MAP2: variants seen among roughly 807,000 people sequenced by gnomAD.
MAP2 encodes microtubule associated protein 2.
Under a neutral mutation model 137.6 loss-of-function variants are expected in MAP2, and 14 were observed. That is an observed-to-expected ratio of 0.10 (90% CI 0.07 to 0.16). MAP2 has a LOEUF of 0.16. MAP2 is among the 10% of genes least tolerant of loss of function. The pLI is 1.00. For missense variants in MAP2, 2,088 were observed against 2,191.5 expected (o/e 0.95, Z 0.94); for synonymous variants, 786 against 782.3 (o/e 1.00, Z -0.08).
intron 1 of MAP2, among the ~76,000 whole-genome samples, chr2:209,496,985 G>A (rs938980794): frequency 1.3e-5 from 2 of 152,078 alleles, no homozygotes; most frequent in African/African-American, 4.8e-5. Context: ...GTCTCTCTAT[G>A]TCGCTTATGC....
chr2:209,646,094 G>A (rs2094404600), intron 4 of MAP2, among the ~76,000 whole-genome samples: 1 of 152,128 alleles, frequency 6.6e-6, no homozygotes, highest in African/African-American at 2.4e-5. Flanking sequence ...CTGCTTGAGA[G>A]GCTGAGCGGG....
rs1045777526 is a variant in MAP2, at chr2:209,730,674, T to TA, written c.*282dup. Reference sequence around the variant, plus strand: ...TGTTTTGCATGGAGTATTATTATTTTAAAAATTGCATTTTTACCTTTCATG... The same window carrying TA: ...TGTTTTGCATGGAGTATTATTATTTTAAAAAATTGCATTTTTACCTTTCATG... On this transcript the variant is annotated 3_prime_UTR_variant, in exon 16 of 16. Transcript: ENST00000682079. 3 of 358,414 alleles carry TA rather than the reference T, an allele frequency of 8.4e-6. No individual in the cohort carries two copies. Among genetic ancestry groups the TA allele is most frequent in the Non-Finnish European group, 1.0e-5 (2 of 194,314 alleles). 22.2% of individuals were successfully genotyped at this position (358,414 alleles called of 1,614,324 possible).
intron 13 of MAP2, among the ~76,000 whole-genome samples, chr2:209,719,647 C>A (rs192467258): frequency 1.3e-5 from 2 of 151,926 alleles, no homozygotes; most frequent in Non-Finnish European, 2.9e-5. Context: ...GAGAGAGCAC[C>A]GTGGCAGATC....
intron 2 of MAP2, among the ~76,000 whole-genome samples, chr2:209,554,021 A>G (rs1215320507): frequency 6.6e-6 from 1 of 152,178 alleles, no homozygotes; most frequent in African/African-American, 2.4e-5. Context: ...TGGGTCCAGC[A>G]TATACACCGT....
intron 3 of MAP2, among the ~76,000 whole-genome samples, chr2:209,583,147 G>GTCTGTCTATCTATCTATCTA (rs372013614): frequency 0.016 from 2,350 of 147,218 alleles, 73 homozygotes; most frequent in African/African-American, 0.054. Flanking sequence ...CTGTCTGTCT[G>GTCTGTCTATCTATCTATCTA]TCTATCTATC....
chr2:209,524,752 T>G (rs563292460), intron 2 of MAP2, among the ~76,000 whole-genome samples: 1 of 152,316 alleles, frequency 6.6e-6, no homozygotes, highest in South Asian at 2.1e-4. Context: ...TGGGAAATGT[T>G]GGTTCAATTG....
chr2:209,465,508 C>A (rs975853391), intron 1 of MAP2, among the ~76,000 whole-genome samples: 1 of 152,116 alleles, frequency 6.6e-6, no homozygotes, highest in Non-Finnish European at 1.5e-5. Context: ...TTCTAGTCTA[C>A]TTTCTCTAAA....
chr2:209,645,533 A>C (rs541231449), intron 4 of MAP2, among the ~76,000 whole-genome samples: 1 of 152,286 alleles, frequency 6.6e-6, no homozygotes, highest in African/African-American at 2.4e-5. Context: ...CCTATCTGAA[A>C]GGTCTAAAAT....
chr2:209,439,772 A>G (rs1697298430), intron 1 of MAP2, among the ~76,000 whole-genome samples: 1 of 151,512 alleles, frequency 6.6e-6, no homozygotes, highest in African/African-American at 2.4e-5. Context: ...ATAAAATTGT[A>G]TAAAGTTTAT....
intron 3 of MAP2, among the ~76,000 whole-genome samples, chr2:209,582,664 T>C (rs984704983): frequency 1.2e-4 from 3 of 24,210 alleles, no homozygotes; most frequent in African/African-American, 1.4e-4. Context: ...AGATGATAGA[T>C]AGATAGATAG....
chr2:209,480,763 G>A (rs1028889902), intron 1 of MAP2, among the ~76,000 whole-genome samples: 5 of 152,044 alleles, frequency 3.3e-5, no homozygotes, highest in Admixed American at 1.3e-4. Flanking sequence ...ATGCATATAC[G>A]ATATAAAAAG....
intron 11 of MAP2, chr2:209,704,537 GC>G: frequency 6.2e-7 from 1 of 1,612,790 alleles, no homozygotes; most frequent in Non-Finnish European, 8.5e-7. Context: ...GACTAAAAGG[GC>G]TACATTTTCT....
intron 4 of MAP2, among the ~76,000 whole-genome samples, chr2:209,644,147 G>A (rs1581864584): frequency 1.3e-5 from 2 of 152,228 alleles, no homozygotes; most frequent in South Asian, 4.1e-4. Flanking sequence ...TGAAAACACT[G>A]TAAGACACAC....
At chr2:209,510,835 C>T (rs530918062) in intron 2 of MAP2, among the ~76,000 whole-genome samples, 5 of 151,906 alleles carry the variant, frequency 3.3e-5, no homozygotes, top group African/African-American at 7.3e-5. Context: ...CTGTTGAAGA[C>T]GGAATCAAAA....
chr2:209,514,186 A>AAG (rs2062130719), intron 2 of MAP2, among the ~76,000 whole-genome samples: 1 of 152,104 alleles, frequency 6.6e-6, no homozygotes, highest in Non-Finnish European at 1.5e-5. Flanking sequence ...TGTTTTTTTA[A>AAG]TACAAAGATA....
In MAP2 at chr2:209,694,693, G is replaced by A. The variant is rs150391168; in HGVS notation, c.2523G>A (p.Glu841=). The A allele has an allele frequency of 2.0e-3, 3,211 of 1,614,126 alleles. 15 individuals carry two copies. The highest frequency in any genetic ancestry group is 1.9e-3 in the Non-Finnish European group (2,253 of 1,180,012). Residue 841 remains glutamate (E), a synonymous_variant, in exon 8 of 16, where the codon GAG becomes GAA. Transcript: ENST00000682079. ...CAGTCCCATCAGAGACTGTGGTTGA[G>A]GATAGTCGTACTGGCTTGCCCCCGG... The part of the protein sequence containing the change: ...RKSVPSETVV[E]DSRTGLPPVT...
intron 1 of MAP2, among the ~76,000 whole-genome samples, chr2:209,449,768 C>A (rs1411524055): frequency 1.3e-5 from 2 of 152,074 alleles, no homozygotes; most frequent in East Asian, 3.9e-4. Context: ...CTCATCAGAT[C>A]TGAATAGGCT....
chr2:209,645,593 G>A (rs956236217), intron 4 of MAP2, among the ~76,000 whole-genome samples: 2 of 151,878 alleles, frequency 1.3e-5, no homozygotes, highest in Non-Finnish European at 2.9e-5. Context: ...TGCCTATTTT[G>A]TACTTCATTC....
rs1331871390 is a variant in MAP2, at chr2:209,680,764, G to C, written c.391G>C (p.Ala131Pro). ...TTGATCTTTAGCAGCTGAAGAAACA[G>C]CTAATCTGCCTCCTTCTCCACCCCC... Reference protein sequence around the residue: ...AALPLAAEETANLPPSPPPSP... With the variant: ...AALPLAAEETPNLPPSPPPSP... The change falls in exon 7 of 16, where the codon GCT (alanine) becomes CCT (proline). Residue 131 changes from alanine (A) to proline (P), a missense_variant. Physicochemically the swap from Ala to Pro is conservative, Grantham distance 27. Around this residue, in one of 6 missense-constraint regions of MAP2, gnomAD observed 859 missense variants for 794.5 expected, o/e 1.08. Coordinates refer to ENST00000682079, the MANE Select transcript of MAP2 (RefSeq NM_001375505.1). 1.2e-6 allele frequency: 2 copies of C among 1,613,570 alleles called. No homozygotes were observed. Among genetic ancestry groups the C allele is most frequent in the South Asian group, 1.1e-5 (1 of 91,062 alleles).
Sources: allele counts gnomAD v4.1 joint callset (sites outside exome capture counted in the v4.1 genomes callset), GRCh38; gene constraint gnomAD v4.1.1; regional missense constraint gnomAD v4.1.1; transcripts MANE v1.5; gene names NCBI Gene and HGNC (gene_info 2026-07-23, HGNC 2026-07-21).